HCK: variants seen among roughly 807,000 people sequenced by gnomAD.
The protein encoded by HCK is HCK proto-oncogene, Src family tyrosine kinase, also known as tyrosine-protein kinase HCK.
In HCK, 40 loss-of-function variants were observed where a neutral mutation model predicts 70.4. The ratio of observed to expected loss-of-function variants is 0.57; its 90% CI spans 0.44 to 0.74. The LOEUF (loss-of-function observed/expected upper bound fraction) is 0.74, where lower values mean the gene tolerates loss of function less well. HCK is among the 30% of genes least tolerant of loss of function. The pLI is 0.00. For missense variants in HCK, 568 were observed against 697.2 expected (o/e 0.81, Z 2.09); for synonymous variants, 245 against 263.2 (o/e 0.93, Z 0.67).
At chr20:32,064,408 G>A (rs914816015) in intron 1 of HCK, among the ~76,000 whole-genome samples, 3 of 152,226 alleles carry the variant, frequency 2.0e-5, no homozygotes, top group Non-Finnish European at 2.9e-5. Flanking sequence ...GAGACTAGGG[G>A]CGGAGTAATT....
intron 5 of HCK, among the ~76,000 whole-genome samples, chr20:32,077,180 G>A (rs548616379): frequency 4.7e-4 from 72 of 152,292 alleles, no homozygotes; most frequent in Non-Finnish European, 8.5e-4. Context: ...GCTAACAGAG[G>A]TTGCCTCTGG....
At chr20:32,062,201 A>G (rs1381441400) in intron 1 of HCK, among the ~76,000 whole-genome samples, 5 of 152,090 alleles carry the variant, frequency 3.3e-5, no homozygotes, top group Admixed American at 6.5e-5. Context: ...CAGCCTCCCA[A>G]AGTGCTGGGA....
chr20:32,087,830 G>T (rs1266915893), intron 9 of HCK, among the ~76,000 whole-genome samples: 3 of 152,056 alleles, frequency 2.0e-5, no homozygotes, highest in Non-Finnish European at 4.4e-5. Context: ...TTTTAGTAGA[G>T]ACGGTGTTTC....
intron 11 of HCK, among the ~76,000 whole-genome samples, chr20:32,097,236 T>G (rs903956417): frequency 1.3e-5 from 2 of 151,774 alleles, no homozygotes. Flanking sequence ...GCCAAGATCA[T>G]GTCACTGCAC....
intron 1 of HCK, among the ~76,000 whole-genome samples, chr20:32,055,461 T>G (rs1056377615): frequency 6.6e-6 from 1 of 152,208 alleles, no homozygotes; most frequent in South Asian, 2.1e-4. Flanking sequence ...ATTAACATAA[T>G]TAGTATAATG....
intron 1 of HCK, among the ~76,000 whole-genome samples, chr20:32,065,813 T>C (rs1371142244): frequency 6.6e-6 from 1 of 152,144 alleles, no homozygotes; most frequent in African/African-American, 2.4e-5. Flanking sequence ...CCAAACTTCA[T>C]GCACTAAGTG....
At chr20:32,068,336 A>G (rs2045489900) in intron 1 of HCK, among the ~76,000 whole-genome samples, 1 of 151,898 alleles carries the variant, frequency 6.6e-6, no homozygotes, top group Admixed American at 6.5e-5. Flanking sequence ...AAAAAAAAAT[A>G]AAAACTAAAA....
rs2046039318 is a variant in HCK, at chr20:32,101,756, T to C, written c.*237T>C. ...AAGTTGATATTTCTATTTCCTGGAA[T>C]GGTTGGATTTTAGTTACAGCTGTGA... On this transcript the variant is annotated 3_prime_UTR_variant, in exon 13 of 13. Coordinates refer to ENST00000375852, the MANE Select transcript of HCK (RefSeq NM_002110.5). 1 of 424,772 alleles carries C rather than the reference T, an allele frequency of 2.4e-6. No homozygotes were observed. Among genetic ancestry groups the C allele is most frequent in the African/African-American group, 2.0e-5 (1 of 50,126 alleles). 26.3% of individuals were successfully genotyped at this position (424,772 alleles called of 1,614,324 possible). A position where few individuals can be genotyped will look rare whatever the true frequency, so the allele number is the denominator to read the frequency against.
chr20:32,071,115 T>C (rs1287246804), intron 1 of HCK, among the ~76,000 whole-genome samples: 1 of 152,246 alleles, frequency 6.6e-6, no homozygotes, highest in Non-Finnish European at 1.5e-5. Context: ...AATGGCAATT[T>C]ATCATCTGAT....
At position 32,083,894 on chromosome 20, in the gene HCK, G is replaced by A; in HGVS notation, c.533G>A (p.Gly178Glu). ...AGGGGTTTCTCTTTGGTCAATTCAGGAAGCTACTCTTTGTCCGTGCGAGAC... is the reference window on the plus strand; with the variant it reads ...AGGGGTTTCTCTTTGGTCAATTCAGAAAGCTACTCTTTGTCCGTGCGAGAC... The change falls in exon 7 of 13, where the codon GGA becomes GAA. Residue 178 changes from glycine (G) to glutamate (E), a missense_variant and splice_region_variant. Gly to Glu is a moderately conservative substitution (Grantham distance 98). Around this residue, in one of 4 missense-constraint regions of HCK, gnomAD observed 318 missense variants for 336.0 expected, o/e 0.95. Transcript: ENST00000375852. 1.9e-6 allele frequency: 3 copies of A among 1,614,134 alleles called. No homozygotes were observed. Among genetic ancestry groups the A allele is most frequent in the Non-Finnish European group, 2.5e-6 (3 of 1,180,016 alleles).
intron 1 of HCK, among the ~76,000 whole-genome samples, chr20:32,067,833 A>G (rs2045481832): frequency 6.6e-6 from 1 of 151,396 alleles, no homozygotes; most frequent in Non-Finnish European, 1.5e-5. Context: ...TAAAATCCAC[A>G]CTGAGATGTG....
intron 1 of HCK, among the ~76,000 whole-genome samples, chr20:32,070,239 C>T (rs79541727): frequency 0.011 from 1,690 of 152,300 alleles, 9 homozygotes; most frequent in Non-Finnish European, 0.019. Context: ...CCCCTGCTCC[C>T]CACTGTCCAC....
intron 5 of HCK, among the ~76,000 whole-genome samples, chr20:32,077,288 C>T (rs746596541): frequency 6.6e-6 from 1 of 152,120 alleles, no homozygotes; most frequent in Non-Finnish European, 1.5e-5. Context: ...TTTCAAAATG[C>T]AAATGTGGGG....
chr20:32,076,737 A>T (rs1240635127), intron 5 of HCK, among the ~76,000 whole-genome samples: 1 of 152,072 alleles, frequency 6.6e-6, no homozygotes, highest in African/African-American at 2.4e-5. Flanking sequence ...TTCTTGGGTG[A>T]GGCAGCTGCT....
At chr20:32,059,972 G>C (rs2045342447) in intron 1 of HCK, among the ~76,000 whole-genome samples, 1 of 152,310 alleles carries the variant, frequency 6.6e-6, no homozygotes, top group Non-Finnish European at 1.5e-5. Flanking sequence ...ATCAGCGCCT[G>C]TGTTACTGAG....
At chr20:32,082,572 G>T (rs942171869) in intron 6 of HCK, among the ~76,000 whole-genome samples, 1 of 152,076 alleles carries the variant, frequency 6.6e-6, no homozygotes, top group African/African-American at 2.4e-5. Flanking sequence ...AACCTGGGAG[G>T]CAGAGATTGC....
In HCK at chr20:32,057,885, T is replaced by A. The variant is rs536052498; in HGVS notation, c.62+5399T>A. Among the ~76,000 whole-genome samples the A allele has an allele frequency of 6.6e-5, 10 of 152,212 alleles. No homozygotes were observed. The South Asian group carries it at 1.9e-3, about 28-fold the overall frequency. ...AAGGTACTTTCAGAGGCGTGGGTAATGATGCAGAAGCAGCCTGTGCTTAAG... is the reference window on the plus strand; with the variant it reads ...AAGGTACTTTCAGAGGCGTGGGTAAAGATGCAGAAGCAGCCTGTGCTTAAG... On this transcript the variant is annotated intron_variant, in intron 1 of 12. Coordinates refer to ENST00000375852, the MANE Select transcript of HCK (RefSeq NM_002110.5).
intron 5 of HCK, among the ~76,000 whole-genome samples, chr20:32,077,618 C>A (rs536674529): frequency 2.0e-5 from 3 of 151,696 alleles, no homozygotes; most frequent in East Asian, 3.9e-4. Context: ...CCTCCGCCTC[C>A]CGGGTTCAAG....
intron 6 of HCK, among the ~76,000 whole-genome samples, chr20:32,080,238 C>T (rs900575050): frequency 1.3e-5 from 2 of 152,044 alleles, no homozygotes; most frequent in Non-Finnish European, 2.9e-5. Flanking sequence ...CTCACTCTGT[C>T]GCCAGGCTGG....
Sources: allele counts gnomAD v4.1 joint callset (sites outside exome capture counted in the v4.1 genomes callset), GRCh38; gene constraint gnomAD v4.1.1; regional missense constraint gnomAD v4.1.1; transcripts MANE v1.5; gene names NCBI Gene and HGNC (gene_info 2026-07-23, HGNC 2026-07-21).